Variants in AGBL4 observed in about 807,000 individuals in gnomAD.
AGBL4 encodes the protein AGBL carboxypeptidase 4, also known as cytosolic carboxypeptidase 6.
Under a neutral mutation model 66.4 loss-of-function variants are expected in AGBL4, and 58 were observed. That is an observed-to-expected ratio of 0.87 (90% CI 0.71 to 1.09). The LOEUF is 1.09. Ranked by LOEUF, AGBL4 falls within the 50% of genes least tolerant of loss-of-function variation. The pLI is 0.00. For missense variants in AGBL4, 579 were observed against 631.0 expected (o/e 0.92, Z 0.88); for synonymous variants, 234 against 222.9 (o/e 1.05, Z -0.44).
intron 6 of AGBL4, among the ~76,000 whole-genome samples, chr1:48,810,318 T>A (rs1646020329): frequency 1.3e-5 from 2 of 152,200 alleles, no homozygotes; most frequent in South Asian, 4.1e-4. Context: ...TGTAAAAATA[T>A]ATTCCCTAAG....
chr1:48,714,559 C>T (rs1468880732), intron 6 of AGBL4, among the ~76,000 whole-genome samples: 1 of 152,228 alleles, frequency 6.6e-6, no homozygotes. Context: ...GACTATTAAG[C>T]CCCCTCGTTT....
chr1:49,976,951 G>T (rs1263994534), intron 1 of AGBL4, among the ~76,000 whole-genome samples: 1 of 152,126 alleles, frequency 6.6e-6, no homozygotes, highest in Non-Finnish European at 1.5e-5. Context: ...TTCTGTAAAA[G>T]ATTAGTCTTT....
At chr1:49,838,533 T>G (rs1482932627) in intron 2 of AGBL4, among the ~76,000 whole-genome samples, 1 of 152,166 alleles carries the variant, frequency 6.6e-6, no homozygotes, top group Non-Finnish European at 1.5e-5. Flanking sequence ...TCCTAAACCT[T>G]CAGATGCCAA....
chr1:48,622,475 A>AT (rs35455455), intron 9 of AGBL4, among the ~76,000 whole-genome samples: 3,323 of 71,876 alleles, frequency 0.046, 96 homozygotes, highest in African/African-American at 0.12. Context: ...ATTCAAATAC[A>AT]TTTTTTTTTT....
chr1:48,669,368 A>G (rs1018755129), intron 6 of AGBL4, among the ~76,000 whole-genome samples: 5 of 152,176 alleles, frequency 3.3e-5, no homozygotes, highest in African/African-American at 1.2e-4. Context: ...GTTGAGCTGC[A>G]GAGCTCTTGG....
At chr1:49,720,748 C>G (rs1223571682) in intron 2 of AGBL4, among the ~76,000 whole-genome samples, 2 of 151,972 alleles carry the variant, frequency 1.3e-5, no homozygotes, top group Non-Finnish European at 2.9e-5. Context: ...ATAAAAGAAG[C>G]TATTAATCAA....
In AGBL4 at chr1:49,570,077, G is replaced by T. The variant is rs886303879; in HGVS notation, c.282+127236C>A. ...AGGTATCTTTTTGATGTGTAGATTTGTTTTCCTTGCATACTCACTAGTGGA... is the reference window on the plus strand; with the variant it reads ...AGGTATCTTTTTGATGTGTAGATTTTTTTTCCTTGCATACTCACTAGTGGA... On this transcript the variant is annotated intron_variant, in intron 3 of 13. Coordinates refer to ENST00000371839, the MANE Select transcript of AGBL4 (RefSeq NM_032785.4). 2.6e-5 allele frequency among the ~76,000 whole-genome samples: 4 copies of T among 151,230 alleles called. No individual in the cohort carries two copies. In the East Asian group the frequency reaches 5.8e-4, roughly 22 times the overall value.
At chr1:49,578,110 A>C (rs1644471583) in intron 3 of AGBL4, among the ~76,000 whole-genome samples, 1 of 152,180 alleles carries the variant, frequency 6.6e-6, no homozygotes, top group African/African-American at 2.4e-5. Flanking sequence ...TTAAACTACA[A>C]GTTAAGATTG....
chr1:49,936,847 C>T (rs1050554550), intron 1 of AGBL4, among the ~76,000 whole-genome samples: 1 of 152,086 alleles, frequency 6.6e-6, no homozygotes, highest in Non-Finnish European at 1.5e-5. Flanking sequence ...AAGCACTAAA[C>T]AAGGAAAGGA....
intron 6 of AGBL4, among the ~76,000 whole-genome samples, chr1:48,723,451 GC>G (rs1193076507): frequency 6.6e-6 from 1 of 152,156 alleles, no homozygotes; most frequent in Non-Finnish European, 1.5e-5. Flanking sequence ...GATTCCATGA[GC>G]CTATGAAGCT....
intron 1 of AGBL4, among the ~76,000 whole-genome samples, chr1:49,948,143 TATATATAAATATACGTAA>T (rs1655576636): frequency 9.7e-6 from 1 of 103,176 alleles, no homozygotes; most frequent in Non-Finnish European, 1.7e-5. Context: ...TATATGTAAA[TATATATAAATATACGTAA>T]ATATATAAAT....
At chr1:49,884,101 CA>C (rs1404122981) in intron 1 of AGBL4, among the ~76,000 whole-genome samples, 1 of 151,866 alleles carries the variant, frequency 6.6e-6, no homozygotes. Context: ...CCCATATTTT[CA>C]GATTCAAACT....
intron 4 of AGBL4, among the ~76,000 whole-genome samples, chr1:49,144,648 C>G (rs1429998323): frequency 6.6e-6 from 1 of 151,950 alleles, no homozygotes; most frequent in Non-Finnish European, 1.5e-5. Flanking sequence ...ACTTCAAGGA[C>G]TAAACTGAGA....
rs539855754 is a variant in AGBL4, at chr1:49,170,332, TATC to T, written c.377+75435_377+75437del. On this transcript the variant is annotated intron_variant, in intron 4 of 13. Coordinates refer to ENST00000371839, the MANE Select transcript of AGBL4 (RefSeq NM_032785.4). The stretch of plus-strand genomic sequence containing the variant: ...TGTTATAAATTTATATTCATATAAA[TATC>T]ATATATTATATATTTATATTTTGTC... Among the ~76,000 whole-genome samples the T allele has an allele frequency of 1.9e-3, 271 of 143,980 alleles. 9 individuals carry two copies. The South Asian group carries it at 0.055, about 29-fold the overall frequency. 94.5% of individuals were successfully genotyped at this position (143,980 alleles called of 152,430 possible).
At chr1:48,975,385 T>G (rs1013412436) in intron 5 of AGBL4, among the ~76,000 whole-genome samples, 1 of 152,160 alleles carries the variant, frequency 6.6e-6, no homozygotes, top group Admixed American at 6.6e-5. Flanking sequence ...TTGGACCTTA[T>G]GACCCAACAG....
chr1:49,971,897 GT>G (rs1334134040), intron 1 of AGBL4, among the ~76,000 whole-genome samples: 1 of 27,158 alleles, frequency 3.7e-5, no homozygotes, highest in Non-Finnish European at 9.8e-5. Flanking sequence ...CAAGTGCAGG[GT>G]TTTTTTGGGT....
intron 6 of AGBL4, among the ~76,000 whole-genome samples, chr1:48,762,787 G>T (rs1644344406): frequency 6.6e-6 from 1 of 152,186 alleles, no homozygotes; most frequent in Non-Finnish European, 1.5e-5. Flanking sequence ...CTCAAATGCT[G>T]AATCTTCTCA....
intron 4 of AGBL4, among the ~76,000 whole-genome samples, chr1:49,175,433 T>G (rs1391951036): frequency 6.6e-6 from 1 of 152,112 alleles, no homozygotes; most frequent in Admixed American, 6.6e-5. Flanking sequence ...GGCAACTTAA[T>G]TTAGTAAAAT....
At chr1:49,471,706 G>A (rs1021677812) in intron 3 of AGBL4, among the ~76,000 whole-genome samples, 1 of 151,820 alleles carries the variant, frequency 6.6e-6, no homozygotes, top group Non-Finnish European at 1.5e-5. Flanking sequence ...CAGGAAAGAG[G>A]CAGCCCAACA....
Sources: allele counts gnomAD v4.1 joint callset (sites outside exome capture counted in the v4.1 genomes callset), GRCh38; gene constraint gnomAD v4.1.1; transcripts MANE v1.5; gene names NCBI Gene and HGNC (gene_info 2026-07-23, HGNC 2026-07-21).